The following PRAMEF17 variants were observed in gnomAD, a reference collection of about 807,000 sequenced individuals.
PRAMEF17 encodes the protein PRAME family member 17.
Under a neutral mutation model 36.8 loss-of-function variants are expected in PRAMEF17, and 48 were observed. The observed-to-expected ratio is 1.30, with a 90% CI of 1.03 to 1.66. PRAMEF17 has a LOEUF of 1.66. PRAMEF17 is among the 40% of genes most tolerant of loss of function. The pLI, the probability that PRAMEF17 is intolerant of heterozygous loss-of-function variation, is 0.00. For synonymous variants in PRAMEF17, 246 were observed against 220.4 expected (o/e 1.12, Z -1.03); for missense variants, 639 against 560.6 (o/e 1.14, Z -1.41).
rs1474829443 is a variant in PRAMEF17, at chr1:13,391,859, A to G, written c.867-85A>G. On this transcript the variant is annotated intron_variant, in intron 2 of 2. Coordinates refer to ENST00000376098, the MANE Select transcript of PRAMEF17 (RefSeq NM_001099851.3). ...TAAGGTGCAGAATTACTCAATGCCCACTTCAAGTTTACCATTGAGATGATT... is the reference window on the plus strand; with the variant it reads ...TAAGGTGCAGAATTACTCAATGCCCGCTTCAAGTTTACCATTGAGATGATT... The G allele has an allele frequency of 9.6e-6, 15 of 1,565,640 alleles. No homozygotes were observed. In the African/African-American group the frequency reaches 1.3e-4, roughly 14 times the overall value.
In PRAMEF17 at chr1:13,389,867, G is replaced by A. The variant is rs1640856251; in HGVS notation, c.210G>A (p.Met70Ile). Residue 70 changes from methionine (M) to isoleucine (I), a missense_variant, in exon 1 of 3, where the codon ATG (methionine) becomes ATA (isoleucine). Met to Ile is a conservative substitution (Grantham distance 10). Transcript: ENST00000376098. Reference protein sequence around the residue: ...PFLRLPLGSLMKTPHLETLQA... With the variant: ...PFLRLPLGSLIKTPHLETLQA... ...TCCGCCTCCCTCTGGGATCCCTGAT[G>A]AAGACACCTCATCTGGAGACCTTGC... The A allele has an allele frequency of 5.0e-6, 8 of 1,613,640 alleles. No homozygotes were observed. Among genetic ancestry groups the A allele is most frequent in the East Asian group, 4.5e-5 (2 of 44,868 alleles).
chr1:13,391,732 G>A (rs1187227463), intron 2 of PRAMEF17, among the ~76,000 whole-genome samples: 1 of 152,154 alleles, frequency 6.6e-6, no homozygotes, highest in East Asian at 1.9e-4. Context: ...TCTTCATCAG[G>A]CAGCACCTTG....
chr1:13,391,983 T>C lies in PRAMEF17; in HGVS notation c.906T>C (p.His302=), dbSNP rs1193869394. Residue 302 remains histidine, a synonymous_variant, in exon 3 of 3, where the codon CAT becomes CAC. Coordinates refer to ENST00000376098, the MANE Select transcript of PRAMEF17 (RefSeq NM_001099851.3). ...CCTTGGGAACCTTTATATTCTGTCATGCTTACCTAGCTGATCAGGACATGG... is the reference window on the plus strand; with the variant it reads ...CCTTGGGAACCTTTATATTCTGTCACGCTTACCTAGCTGATCAGGACATGG... ...KNPLGTFIFC[H]AYLADQDMEC... is the part of the protein sequence containing the mutation. The C allele has an allele frequency of 3.1e-6, 5 of 1,611,708 alleles. No homozygotes were observed. In the African/African-American group the frequency reaches 4.0e-5, roughly 13 times the overall value.
rs1402215879 is a variant in PRAMEF17 at position 13,389,950 on chromosome 1, G to C, written c.287+6G>C. 6 of 1,612,274 alleles carry C rather than the reference G, an allele frequency of 3.7e-6. No individual in the cohort carries two copies. Among genetic ancestry groups the C allele is most frequent in the Non-Finnish European group, 5.1e-6 (6 of 1,180,018 alleles). On this transcript the variant is annotated splice_donor_region_variant and intron_variant, in intron 1 of 2. Coordinates refer to ENST00000376098, the MANE Select transcript of PRAMEF17 (RefSeq NM_001099851.3). ...GCCCAGAAGCTTCGCCCCAGGTGAG[G>C]TGACTCAGGTGGCCTGGTGGGAAGG...
chr1:13,390,830 G>C lies in PRAMEF17; in HGVS notation c.777G>C (p.Leu259Phe). Residue 259 changes from leucine (L) to phenylalanine (F), a missense_variant, in exon 2 of 3, where the codon TTG becomes TTC. Transcript: ENST00000376098. Reference protein sequence around the residue: ...VSGQQQFVPDLDCPFLCLYYP... With the variant: ...VSGQQQFVPDFDCPFLCLYYP... ...GCCAACAGCAGTTCGTTCCTGACTTGGACTGTCCATTCCTCTGCCTGTACT... is the reference window on the plus strand; with the variant it reads ...GCCAACAGCAGTTCGTTCCTGACTTCGACTGTCCATTCCTCTGCCTGTACT... 6.2e-7 allele frequency: 1 copy of C among 1,611,964 alleles called. No individual in the cohort carries two copies. The highest frequency in any genetic ancestry group is 8.5e-7 in the Non-Finnish European group (1 of 1,179,858).
Position 13,390,799 on chromosome 1 carries a change from T to C in PRAMEF17, c.746T>C (p.Val249Ala). The change falls in exon 2 of 3, where the codon GTA becomes GCA. Residue 249 changes from valine to alanine, a missense_variant. Transcript: ENST00000376098. ...TTCGGTTATGACGATGAGTTATATGTAAGCGGCCAACAGCAGTTCGTTCCT... is the reference window on the plus strand; with the variant it reads ...TTCGGTTATGACGATGAGTTATATGCAAGCGGCCAACAGCAGTTCGTTCCT... ...LAFGYDDELY[V>A]SGQQQFVPDL... 20 of 1,612,046 alleles carry C rather than the reference T, an allele frequency of 1.2e-5. No individual in the cohort carries two copies. The highest frequency in any genetic ancestry group is 1.7e-5 in the Non-Finnish European group (20 of 1,179,864).
Position 13,390,493 on chromosome 1 carries a change from T to C in PRAMEF17, c.440T>C (p.Leu147Ser). The C allele has an allele frequency of 6.2e-7, 1 of 1,612,004 alleles. No individual in the cohort carries two copies. The highest frequency in any genetic ancestry group is 8.5e-7 in the Non-Finnish European group (1 of 1,179,846). Residue 147 changes from leucine to serine, a missense_variant, in exon 2 of 3, where the codon TTG becomes TCG. By Grantham distance (145) the Leu-to-Ser change is moderately radical (BLOSUM62 -2). Coordinates refer to ENST00000376098, the MANE Select transcript of PRAMEF17 (RefSeq NM_001099851.3). ...DYPRTGEHQP[L>S]KVFIDLCQKE... ...CCAAGGACGGGAGAGCACCAGCCCT[T>C]GAAGGTGTTCATAGACCTCTGCCAA... is the stretch of plus-strand genomic sequence containing the variant.
Position 13,392,463 on chromosome 1 carries a change from ATGGCCATC to A in PRAMEF17, c.1389_1396del (p.Trp463Ter), listed in dbSNP as rs1640899371. On this transcript the variant is annotated frameshift_variant, in exon 3 of 3. Coordinates refer to ENST00000376098, the MANE Select transcript of PRAMEF17 (RefSeq NM_001099851.3). LOFTEE classifies it high-confidence loss of function. ...CCATCCCCTGCCCTTCCTGTGGCTC[ATGGCCATC>A]TGAGAAAGTGGACTTCCATCTTTGC... 1 of 1,611,890 alleles carries A rather than the reference ATGGCCATC, an allele frequency of 6.2e-7. No homozygotes were observed. The highest frequency in any genetic ancestry group is 1.7e-5 in the Admixed American group (1 of 59,992).
At chr1:13,391,892 C>G in intron 2 of PRAMEF17, 52 bp from the exon 3 acceptor site, 1 of 1,600,436 alleles carries the variant, frequency 6.2e-7, no homozygotes, top group Non-Finnish European at 8.5e-7. Context: ...ATTTCCCACC[C>G]CCCTCCTCCA....
chr1:13,392,243 C>A lies in PRAMEF17; in HGVS notation c.1166C>A (p.Thr389Asn). ...ACCTTCTACTTTCGCGGAAATGAGA[C>A]CTCCACGAATGCTCTGAAAGACCTG... Reference protein sequence around the residue: ...LTTFYFRGNETSTNALKDLLC... With the variant: ...LTTFYFRGNENSTNALKDLLC... The change falls in exon 3 of 3, where the codon ACC (threonine) becomes AAC (asparagine). Residue 389 changes from threonine (T) to asparagine (N), a missense_variant. Physicochemically the swap from Thr to Asn is moderately conservative, Grantham distance 65. Coordinates refer to ENST00000376098, the MANE Select transcript of PRAMEF17 (RefSeq NM_001099851.3). The A allele has an allele frequency of 2.5e-6, 4 of 1,611,994 alleles. No homozygotes were observed. Among genetic ancestry groups the A allele is most frequent in the Non-Finnish European group, 3.4e-6 (4 of 1,179,856 alleles).
In PRAMEF17 at chr1:13,390,547, G is replaced by A. The variant is rs934572175; in HGVS notation, c.494G>A (p.Ser165Asn). The change falls in exon 2 of 3, where the codon AGC (serine) becomes AAC (asparagine). Residue 165 changes from serine (S) to asparagine (N), a missense_variant. Ser to Asn is a conservative substitution (Grantham distance 46). Transcript: ENST00000376098. Reference sequence around the variant, plus strand: ...GAAAGTACACTGGATGAATGCCTGAGCTACCTCTGCAGGTGGATCCACTAC... The same window carrying A: ...GAAAGTACACTGGATGAATGCCTGAACTACCTCTGCAGGTGGATCCACTAC... ...QKESTLDECLSYLCRWIHYRR... is the reference protein window; with the variant it reads ...QKESTLDECLNYLCRWIHYRR... The A allele has an allele frequency of 6.2e-7, 1 of 1,611,974 alleles. No individual in the cohort carries two copies. Among genetic ancestry groups the A allele is most frequent in the Non-Finnish European group, 8.5e-7 (1 of 1,179,858 alleles).
Position 13,390,366 on chromosome 1 carries a change from T to G in PRAMEF17, c.313T>G (p.Leu105Val). Residue 105 changes from leucine (L) to valine (V), a missense_variant, in exon 2 of 3, where the codon TTG becomes GTG. Physicochemically the swap from Leu to Val is conservative, Grantham distance 32. Transcript: ENST00000376098. ...GAGGTGGAAACTTCAAGTGCTGGAT[T>G]TGCGGGATGTTGATGGGAATTTCTG... ...PRRWKLQVLD[L>V]RDVDGNFWTI... is the part of the protein sequence containing the mutation. The G allele has an allele frequency of 6.2e-7, 1 of 1,611,886 alleles. No homozygotes were observed.
chr1:13,390,249 C>G, intron 1 of PRAMEF17, 92 bp from the exon 2 acceptor site: 1 of 1,576,728 alleles, frequency 6.3e-7, no homozygotes. Context: ...AGGACAGGAG[C>G]AGCTGACTGA....
At position 13,390,408 on chromosome 1, in the gene PRAMEF17, G is replaced by A. The variant is rs753020868; in HGVS notation, c.355G>A (p.Ala119Thr). Residue 119 changes from alanine to threonine, a missense_variant, in exon 2 of 3, where the codon GCC (alanine) becomes ACC (threonine). Coordinates refer to ENST00000376098, the MANE Select transcript of PRAMEF17 (RefSeq NM_001099851.3). ...GAATTTCTGGACTATATGGTCTGGA[G>A]CCAGGGCCCTCTCCTGCTCCCCAGA... ...DGNFWTIWSG[A>T]RALSCSPEAM... is the part of the protein sequence containing the mutation. 3 of 1,611,884 alleles carry A rather than the reference G, an allele frequency of 1.9e-6. No individual in the cohort carries two copies. The highest frequency in any genetic ancestry group is 1.3e-5 in the African/African-American group (1 of 74,860).
rs1468055587 is a variant in PRAMEF17, at chr1:13,392,010, G to A, written c.933G>A (p.Glu311=). 47 of 1,611,758 alleles carry A rather than the reference G, an allele frequency of 2.9e-5. No homozygotes were observed. Among genetic ancestry groups the A allele is most frequent in the Non-Finnish European group, 3.7e-5 (44 of 1,179,838 alleles). The stretch of plus-strand genomic sequence containing the variant: ...CTTACCTAGCTGATCAGGACATGGA[G>A]TGTCTGTCTCAGTACCCAAGCCTCA... The part of the protein sequence containing the change: ...CHAYLADQDM[E]CLSQYPSLSQ... The change falls in exon 3 of 3, where the codon GAG becomes GAA. Residue 311 remains glutamate (E), a synonymous_variant. Transcript: ENST00000376098.
Position 13,389,949 on chromosome 1 carries a change from G to A in PRAMEF17, c.287+5G>A. The A allele has an allele frequency of 1.9e-6, 3 of 1,612,384 alleles. No individual in the cohort carries two copies. Among genetic ancestry groups the A allele is most frequent in the East Asian group, 2.2e-5 (1 of 44,878 alleles). On this transcript the variant is annotated splice_donor_5th_base_variant and intron_variant, in intron 1 of 2. Transcript: ENST00000376098. ...GGCCCAGAAGCTTCGCCCCAGGTGAGGTGACTCAGGTGGCCTGGTGGGAAG... is the reference window on the plus strand; with the variant it reads ...GGCCCAGAAGCTTCGCCCCAGGTGAAGTGACTCAGGTGGCCTGGTGGGAAG...
Position 13,390,514 on chromosome 1 carries a change from G to A in PRAMEF17, c.461G>A (p.Cys154Tyr). Residue 154 changes from cysteine to tyrosine, a missense_variant, in exon 2 of 3, where the codon TGC becomes TAC. By Grantham distance (194) the Cys-to-Tyr change is radical. Coordinates refer to ENST00000376098, the MANE Select transcript of PRAMEF17 (RefSeq NM_001099851.3). ...HQPLKVFIDL[C>Y]QKESTLDECL... The stretch of plus-strand genomic sequence containing the variant: ...CCCTTGAAGGTGTTCATAGACCTCT[G>A]CCAAAAGGAAAGTACACTGGATGAA... 6.2e-7 allele frequency: 1 copy of A among 1,611,982 alleles called. No individual in the cohort carries two copies.
rs1358238441 is a variant in PRAMEF17 at position 13,392,622 on chromosome 1, C to T, written c.*120C>T. The T allele has an allele frequency of 1.5e-5, 22 of 1,420,848 alleles. No individual in the cohort carries two copies. The African/African-American group carries it at 2.9e-4, about 19-fold the overall frequency. The allele number at this position is 1,420,848 out of a possible 1,614,324, so 88.0% of individuals were successfully genotyped here. A position where few individuals can be genotyped will look rare whatever the true frequency, so the allele number is the denominator to read the frequency against. On this transcript the variant is annotated 3_prime_UTR_variant, in exon 3 of 3. Transcript: ENST00000376098. ...TTTTTGATGGAGTCTCGCTCTGTCC[C>T]TCAGGCTAAAGTGCAGTGGCAAAAT...
chr1:13,391,554 T>C (rs542397056), intron 2 of PRAMEF17, among the ~76,000 whole-genome samples: 6 of 152,282 alleles, frequency 3.9e-5, no homozygotes, highest in East Asian at 3.9e-4. Context: ...CCTTGCTCAG[T>C]TGAGTTCTTT....
Sources: gnomAD v4.1 joint callset for allele counts (sites outside exome capture counted in the v4.1 genomes callset) on GRCh38, gnomAD v4.1.1 for gene constraint, MANE v1.5 for transcripts, NCBI Gene and HGNC (gene_info 2026-07-23, HGNC 2026-07-21) for gene names.